OTOP1: variants seen among roughly 807,000 people sequenced by gnomAD.
The protein encoded by OTOP1 is otopetrin 1.
Under a neutral mutation model 52.9 loss-of-function variants are expected in OTOP1, and 59 were observed. The observed-to-expected ratio is 1.12, with a 90% CI of 0.91 to 1.39. OTOP1 has a LOEUF of 1.39. Ranked by LOEUF, OTOP1 falls within the 40% of genes most tolerant of loss-of-function variation. OTOP1 has a pLI of 0.00. For missense variants in OTOP1, 761 were observed against 800.9 expected, an observed-to-expected ratio of 0.95 and a Z score of 0.60; for synonymous variants, 317 against 337.7, an observed-to-expected ratio of 0.94 and a Z score of 0.67.
intron 4 of OTOP1, among the ~76,000 whole-genome samples, chr4:4,199,418 G>A (rs112624307): frequency 5.3e-5 from 8 of 151,798 alleles, no homozygotes; most frequent in Admixed American, 2.0e-4. Context: ...TTTGTTTTGT[G>A]TTTTGTTTGT....
intron 1 of OTOP1, among the ~76,000 whole-genome samples, chr4:4,218,861 A>G (rs765890268): frequency 5.9e-5 from 9 of 152,064 alleles, no homozygotes; most frequent in Admixed American, 2.0e-4. Flanking sequence ...CCTGGGAGGC[A>G]GAGATTGCAG....
intron 1 of OTOP1, among the ~76,000 whole-genome samples, chr4:4,223,481 G>C (rs1182113399): frequency 6.6e-6 from 1 of 152,212 alleles, no homozygotes; most frequent in Non-Finnish European, 1.5e-5. Flanking sequence ...CTCTGGGGAA[G>C]AGGATGATGG....
At chr4:4,216,147 A>T (rs1717148455) in intron 1 of OTOP1, among the ~76,000 whole-genome samples, 1 of 152,196 alleles carries the variant, frequency 6.6e-6, no homozygotes, top group Non-Finnish European at 1.5e-5. Flanking sequence ...CTATAGTAGT[A>T]GCTGAGGAAG....
rs755535351 is a variant in OTOP1 at position 4,197,212 on chromosome 4, T to C, written c.1622A>G (p.Lys541Arg). Reference protein sequence around the residue: ...PRFLQGNAKRKVLRNIAAFLF... With the variant: ...PRFLQGNAKRRVLRNIAAFLF... ...GAAGGCTGCAATATTCCTCAGGACT[T>C]TTCTCTTGGCGTTGCCCTGTAAGAA... Residue 541 changes from lysine (K) to arginine (R), a missense_variant, in exon 5 of 6, where the codon AAA (lysine) becomes AGA (arginine). Coordinates refer to ENST00000296358, the MANE Select transcript of OTOP1 (RefSeq NM_177998.3). The C allele has an allele frequency of 1.2e-6, 2 of 1,612,384 alleles. No individual in the cohort carries two copies. The highest frequency in any genetic ancestry group is 1.7e-6 in the Non-Finnish European group (2 of 1,179,746).
chr4:4,196,723 G>C (rs1716635980), intron 5 of OTOP1, among the ~76,000 whole-genome samples: 1 of 152,134 alleles, frequency 6.6e-6, no homozygotes, highest in African/African-American at 2.4e-5. Flanking sequence ...GCGCGACCCT[G>C]TCTCAAAAAA....
intron 5 of OTOP1, among the ~76,000 whole-genome samples, chr4:4,193,331 C>T (rs759251725): frequency 6.6e-6 from 1 of 152,176 alleles, no homozygotes; most frequent in Non-Finnish European, 1.5e-5. Context: ...TCTCCCACAG[C>T]ACCCTGCCCT....
chr4:4,202,691 G>C (rs1442249458), intron 3 of OTOP1, 113 bp from the exon 4 acceptor site: 18 of 1,385,562 alleles, frequency 1.3e-5, no homozygotes, highest in Non-Finnish European at 1.8e-5. Flanking sequence ...CATGATTCTG[G>C]TTTCACCTGG....
chr4:4,201,604 T>G (rs1716790377), intron 4 of OTOP1, among the ~76,000 whole-genome samples: 1 of 151,842 alleles, frequency 6.6e-6, no homozygotes. Flanking sequence ...CTTCGTTGTC[T>G]CCACCCCACT....
intron 1 of OTOP1, among the ~76,000 whole-genome samples, chr4:4,214,288 A>C (rs1462020749): frequency 6.6e-6 from 1 of 152,188 alleles, no homozygotes; most frequent in Non-Finnish European, 1.5e-5. Flanking sequence ...TCAAAAAAAA[A>C]GAAAGAAAAT....
chr4:4,208,402 T>G (rs1716954971), intron 2 of OTOP1, among the ~76,000 whole-genome samples: 1 of 152,186 alleles, frequency 6.6e-6, no homozygotes, highest in South Asian at 2.1e-4. Flanking sequence ...TTTATTTTCC[T>G]TTCACAGTGG....
Position 4,226,508 on chromosome 4 carries a change from GC to G in OTOP1, c.356del (p.Arg119ProfsTer85). On this transcript the variant is annotated frameshift_variant, in exon 1 of 6. Transcript: ENST00000296358. LOFTEE classifies it high-confidence loss of function. ...CGTGCGTGTCCTTGAGGCGGAAGAG[GC>G]GGCGGTGCGCGGAGCTGCGGCCCAC... Reference protein sequence around the residue: ...WYVGRSSAHRRLFRLKDTHAG... With the variant: ...WYVGRSSAHRXLFRLKDTHAG... 6.3e-7 allele frequency: 1 copy of G among 1,583,524 alleles called. No individual in the cohort carries two copies. Among genetic ancestry groups the G allele is most frequent in the East Asian group, 2.4e-5 (1 of 42,394 alleles).
Position 4,219,914 on chromosome 4 carries a change from TATATAC to T in OTOP1, c.403+6542_403+6547del, listed in dbSNP as rs1346372731. Among the ~76,000 whole-genome samples the T allele has an allele frequency of 5.8e-4, 83 of 142,542 alleles. 1 individual carries two copies. Among genetic ancestry groups the T allele is most frequent in the Non-Finnish European group, 4.4e-4 (29 of 66,632 alleles). 93.5% of individuals were successfully genotyped at this position (142,542 alleles called of 152,430 possible). ...ATATATGTATACACATATATGTGTGTATATACGTATACATGTATACATATATACACA... is the reference window on the plus strand; with the variant it reads ...ATATATGTATACACATATATGTGTGTGTATACATGTATACATATATACACA... On this transcript the variant is annotated intron_variant, in intron 1 of 5. Transcript: ENST00000296358.
At chr4:4,200,618 AAC>A (rs1173663364) in intron 4 of OTOP1, among the ~76,000 whole-genome samples, 1 of 150,964 alleles carries the variant, frequency 6.6e-6, no homozygotes, top group East Asian at 1.9e-4. Flanking sequence ...CAGTGGCACA[AAC>A]ACAGCTCACT....
chr4:4,217,151 G>A (rs533246473), intron 1 of OTOP1, among the ~76,000 whole-genome samples: 1 of 152,250 alleles, frequency 6.6e-6, no homozygotes, highest in South Asian at 2.1e-4. Context: ...TTCTTCCTGT[G>A]TTCATCCATT....
At chr4:4,195,670 A>T (rs1489039786) in intron 5 of OTOP1, among the ~76,000 whole-genome samples, 1 of 152,230 alleles carries the variant, frequency 6.6e-6, no homozygotes, top group African/African-American at 2.4e-5. Context: ...TGGGATTCTC[A>T]TGAGATAATT....
At chr4:4,200,736 T>TTTTG (rs1457936274) in intron 4 of OTOP1, among the ~76,000 whole-genome samples, 3 of 148,130 alleles carry the variant, frequency 2.0e-5, no homozygotes, top group Non-Finnish European at 4.5e-5. Flanking sequence ...TTTTTTTTTT[T>TTTTG]TTTCAGAGCT....
intron 3 of OTOP1, among the ~76,000 whole-genome samples, chr4:4,204,252 G>A (rs575035340): frequency 2.6e-5 from 4 of 152,272 alleles, no homozygotes; most frequent in Admixed American, 6.5e-5. Context: ...GTCTGAGTCA[G>A]GTGTTTGCCC....
intron 1 of OTOP1, among the ~76,000 whole-genome samples, chr4:4,219,536 C>A (rs774334793): frequency 2.0e-5 from 3 of 151,836 alleles, no homozygotes; most frequent in Non-Finnish European, 2.9e-5. Flanking sequence ...CCCGTCTCTA[C>A]TAAAAATACA....
chr4:4,214,600 C>A (rs1258330735), intron 1 of OTOP1, among the ~76,000 whole-genome samples: 9 of 152,066 alleles, frequency 5.9e-5, no homozygotes, highest in Non-Finnish European at 8.8e-5. Flanking sequence ...TATAGACATA[C>A]AACAAAATAT....
Sources: allele counts gnomAD v4.1 joint callset (sites outside exome capture counted in the v4.1 genomes callset), GRCh38; gene constraint gnomAD v4.1.1; transcripts MANE v1.5; gene names NCBI Gene and HGNC (gene_info 2026-07-23, HGNC 2026-07-21).